Variants in TMEM61 observed in about 807,000 individuals in gnomAD.
The protein encoded by TMEM61 is transmembrane protein 61.
TMEM61 carries 13 observed loss-of-function variants against 12.0 expected under a neutral mutation model. The ratio of observed to expected loss-of-function variants is 1.08; its 90% CI spans 0.70 to 1.72. The LOEUF (loss-of-function observed/expected upper bound fraction) is 1.72. Among genes scored for constraint, TMEM61 ranks in the 40% most tolerant of loss-of-function variants. The pLI, the probability that TMEM61 is intolerant of heterozygous loss-of-function variation, is 0.00. For synonymous variants in TMEM61, 109 were observed against 121.4 expected, an observed-to-expected ratio of 0.90 and a Z score of 0.67; for missense variants, 249 against 276.9, an observed-to-expected ratio of 0.90 and a Z score of 0.71.
In TMEM61 at chr1:54,987,048, G is replaced by A. The variant is rs528303547; in HGVS notation, c.365+602G>A. Among the ~76,000 whole-genome samples the A allele has an allele frequency of 7.9e-5, 12 of 152,312 alleles. No homozygotes were observed. In the South Asian group the frequency reaches 2.1e-3, roughly 26 times the overall value. Reference sequence around the variant, plus strand: ...TACTGTTATGAGTTCCATTTGTAAAGGAGGAAAAGGAGGCATGGAGACACT... The same window carrying A: ...TACTGTTATGAGTTCCATTTGTAAAAGAGGAAAAGGAGGCATGGAGACACT... On this transcript the variant is annotated intron_variant, in intron 2 of 2. Transcript: ENST00000371268.
intron 2 of TMEM61, among the ~76,000 whole-genome samples, chr1:54,991,019 A>C (rs1176180733): frequency 2.0e-5 from 3 of 152,174 alleles, no homozygotes; most frequent in Admixed American, 6.5e-5. Context: ...AGGATCAGCG[A>C]CATTCCCACC....
intron 1 of TMEM61, among the ~76,000 whole-genome samples, chr1:54,982,970 G>C (rs777313060): frequency 6.6e-6 from 1 of 152,022 alleles, no homozygotes; most frequent in Non-Finnish European, 1.5e-5. Flanking sequence ...TAAATGCCCA[G>C]CCTGATAAAT....
At chr1:54,981,151 C>A in intron 1 of TMEM61, 71 bp downstream of exon 1, 1 of 1,518,184 alleles carries the variant, frequency 6.6e-7, no homozygotes, top group South Asian at 1.2e-5. Context: ...TGCCCCGACC[C>A]CTTCCCCTAA....
intron 2 of TMEM61, among the ~76,000 whole-genome samples, chr1:54,987,131 G>T (rs1196406773): frequency 6.6e-6 from 1 of 152,190 alleles, no homozygotes; most frequent in Admixed American, 6.5e-5. Context: ...TTGAACCCAG[G>T]CAGTCTGGCC....
In TMEM61 at chr1:54,986,322, C is replaced by A; in HGVS notation, c.241C>A (p.Leu81Met). ...CTGCTGCGGTGCAGGTGGCCTGCTG[C>A]TGCTCATTGGCCTGCTGTGGTCCGT... is the stretch of plus-strand genomic sequence containing the variant. ...FVCCGAGGLL[L>M]LIGLLWSVKA... The change falls in exon 2 of 3, where the codon CTG (leucine) becomes ATG (methionine). Residue 81 changes from leucine to methionine, a missense_variant. Leu to Met is a conservative substitution (Grantham distance 15, BLOSUM62 2). Transcript: ENST00000371268. 1.2e-6 allele frequency: 2 copies of A among 1,614,080 alleles called. No individual in the cohort carries two copies. Among genetic ancestry groups the A allele is most frequent in the Non-Finnish European group, 1.7e-6 (2 of 1,180,050 alleles).
At chr1:54,982,558 A>G (rs1644230041) in intron 1 of TMEM61, among the ~76,000 whole-genome samples, 1 of 152,140 alleles carries the variant, frequency 6.6e-6, no homozygotes, top group Non-Finnish European at 1.5e-5. Context: ...AGCGAGACCC[A>G]CACAGAAAAT....
intron 2 of TMEM61, among the ~76,000 whole-genome samples, chr1:54,987,772 C>T (rs1197708542): frequency 1.3e-5 from 2 of 152,312 alleles, no homozygotes; most frequent in East Asian, 3.9e-4. Context: ...TGGCATTCTT[C>T]CTCCCACGTC....
rs369073074 is a variant in TMEM61, at chr1:54,985,269, C to G, written c.16-828C>G. ...TGTATGTGTGTGTGACAGAGTCTCA[C>G]TCTTTTGCCCAGGCTGGAGTGCAGT... On this transcript the variant is annotated intron_variant, in intron 1 of 2. Transcript: ENST00000371268. 4.4e-3 allele frequency among the ~76,000 whole-genome samples: 134 copies of G among 30,698 alleles called. 1 individual carries two copies. The highest frequency in any genetic ancestry group is 5.6e-3 in the African/African-American group (129 of 23,030). 20.1% of individuals were successfully genotyped at this position (30,698 alleles called of 152,430 possible). A position where few individuals can be genotyped will look rare whatever the true frequency, so the allele number is the denominator to read the frequency against.
intron 2 of TMEM61, among the ~76,000 whole-genome samples, chr1:54,988,335 G>A (rs1411907041): frequency 1.3e-5 from 2 of 152,246 alleles, no homozygotes; most frequent in Non-Finnish European, 2.9e-5. Context: ...TGGCAGGTGG[G>A]GCCCCTTGGC....
chr1:54,991,125 C>T (rs540293795), intron 2 of TMEM61, among the ~76,000 whole-genome samples: 9 of 152,240 alleles, frequency 5.9e-5, no homozygotes, highest in Non-Finnish European at 1.0e-4. Context: ...GGTCTCATTC[C>T]TATCAGCCTT....
intron 2 of TMEM61, among the ~76,000 whole-genome samples, chr1:54,986,998 C>T (rs1644265741): frequency 6.6e-6 from 1 of 152,180 alleles, no homozygotes; most frequent in Non-Finnish European, 1.5e-5. Context: ...CTCAGCTGAT[C>T]CTTACAGCAG....
chr1:54,989,637 C>T (rs1044609262), intron 2 of TMEM61, among the ~76,000 whole-genome samples: 4 of 152,254 alleles, frequency 2.6e-5, no homozygotes, highest in Admixed American at 2.6e-4. Context: ...CTGGCATCCT[C>T]GACTGTGACC....
intron 1 of TMEM61, among the ~76,000 whole-genome samples, chr1:54,984,071 C>T (rs13375094): frequency 0.043 from 6,595 of 152,156 alleles, 454 homozygotes; most frequent in African/African-American, 0.15. Flanking sequence ...CACACACACA[C>T]GTGTGTTTTT....
At chr1:54,987,102 T>C (rs1644266262) in intron 2 of TMEM61, among the ~76,000 whole-genome samples, 1 of 152,178 alleles carries the variant, frequency 6.6e-6, no homozygotes, top group African/African-American at 2.4e-5. Flanking sequence ...CATCAGATAG[T>C]GTGTGTCAGA....
chr1:54,984,399 G>C (rs1291493405), intron 1 of TMEM61, among the ~76,000 whole-genome samples: 1 of 152,164 alleles, frequency 6.6e-6, no homozygotes, highest in Non-Finnish European at 1.5e-5. Flanking sequence ...AGCAGGCCCG[G>C]GGCAGGTGAG....
chr1:54,981,656 T>TGGAGAAGGGCAC (rs1553129855), intron 1 of TMEM61, among the ~76,000 whole-genome samples: 2 of 152,146 alleles, frequency 1.3e-5, no homozygotes, highest in African/African-American at 4.8e-5. Context: ...CTTATTGGTA[T>TGGAGAAGGGCAC]GGAGTAGGGC....
intron 1 of TMEM61, among the ~76,000 whole-genome samples, chr1:54,985,620 T>C (rs1230653572): frequency 6.6e-6 from 1 of 152,248 alleles, no homozygotes; most frequent in East Asian, 1.9e-4. Context: ...TTCACACTTG[T>C]TCTGGGTCTC....
chr1:54,986,276 G>C lies in TMEM61; in HGVS notation c.195G>C (p.Leu65=). ...EYPVPEGPSP[L]LRSVSFVCCG... is the part of the protein sequence containing the mutation. ...CGGTGCCTGAGGGCCCCAGCCCCCT[G>C]CTCAGGTCCGTCAGCTTCGTCTGCT... Residue 65 remains leucine, a synonymous_variant, in exon 2 of 3, where the codon CTG becomes CTC. Transcript: ENST00000371268. The C allele has an allele frequency of 6.2e-7, 1 of 1,613,944 alleles. No individual in the cohort carries two copies. The highest frequency in any genetic ancestry group is 8.5e-7 in the Non-Finnish European group (1 of 1,180,016).
chr1:54,986,000 A>C (rs1644254988), intron 1 of TMEM61, 97 bp from the exon 2 acceptor site: 4 of 1,109,158 alleles, frequency 3.6e-6, no homozygotes, highest in Non-Finnish European at 5.1e-6. Flanking sequence ...TGACTTCTCC[A>C]AGGTTGTACA....
Sources: gnomAD v4.1 joint callset for allele counts (sites outside exome capture counted in the v4.1 genomes callset) on GRCh38, gnomAD v4.1.1 for gene constraint, MANE v1.5 for transcripts, NCBI Gene and HGNC (gene_info 2026-07-23, HGNC 2026-07-21) for gene names.